Variants in FBXO41 observed in about 807,000 individuals in gnomAD.
FBXO41 encodes F-box only protein 41.
A neutral mutation model predicts 81.6 loss-of-function variants in FBXO41; 33 were observed. That is an observed-to-expected ratio of 0.40 (90% CI 0.31 to 0.54). The LOEUF is 0.54. Ranked by LOEUF, FBXO41 falls within the 20% of genes least tolerant of loss-of-function variation. The pLI is 0.39. For synonymous variants in FBXO41, 576 were observed against 552.7 expected, an observed-to-expected ratio of 1.04 and a Z score of -0.59; for missense variants, 1,107 against 1,236.0, an observed-to-expected ratio of 0.90 and a Z score of 1.56.
At chr2:73,274,635 G>GCTTTAAACAAATAGCC (rs1180308139) in intron 1 of FBXO41, among the ~76,000 whole-genome samples, 1 of 152,022 alleles carries the variant, frequency 6.6e-6, no homozygotes, top group Non-Finnish European at 1.5e-5. Flanking sequence ...AGAATTAAGG[G>GCTTTAAACAAATAGCC]CTTTAAACAA....
At position 73,266,767 on chromosome 2, in the gene FBXO41, G is replaced by C. The variant is rs1189009759; in HGVS notation, c.906-85C>G. The C allele has an allele frequency of 1.4e-6, 2 of 1,449,706 alleles. No homozygotes were observed. The highest frequency in any genetic ancestry group is 2.6e-5 in the East Asian group (1 of 38,950). 89.8% of individuals were successfully genotyped at this position (1,449,706 alleles called of 1,614,324 possible). On this transcript the variant is annotated intron_variant, in intron 2 of 12. Coordinates refer to ENST00000520530, the MANE Select transcript of FBXO41 (RefSeq NM_001371389.2). This position sits in a 1 kb window ranked among gnomAD's most constrained non-coding sequence, Gnocchi z 5.3. ...GAGGAGAGCCTGGCCAGTGCGGGGA[G>C]ACACTGGCACAGCTGCCTGCGGTGT...
rs771627612 is a variant in FBXO41 at position 73,259,071 on chromosome 2, T to G, written c.2566-27A>C. On this transcript the variant is annotated intron_variant, in intron 12 of 12. Coordinates refer to ENST00000520530, the MANE Select transcript of FBXO41 (RefSeq NM_001371389.2). This position sits in a 1 kb window ranked among gnomAD's most constrained non-coding sequence, Gnocchi z 4.2. ...TGCGGACCGAACCCTGGGTTAGTTCTCCCTCCGTGCCAGGCAGGTGGGGCC... is the reference window on the plus strand; with the variant it reads ...TGCGGACCGAACCCTGGGTTAGTTCGCCCTCCGTGCCAGGCAGGTGGGGCC... The G allele has an allele frequency of 6.2e-7, 1 of 1,605,916 alleles. No homozygotes were observed. The highest frequency in any genetic ancestry group is 1.1e-5 in the South Asian group (1 of 90,092).
rs777492772 is a variant in FBXO41, at chr2:73,268,693, C to T, written c.905+33G>A. The stretch of plus-strand genomic sequence containing the variant: ...GGTGGCACAGTGACCCGCACAGGCA[C>T]AACCACTCACAGGGCCCCGAGGGTC... On this transcript the variant is annotated intron_variant, in intron 2 of 12. Coordinates refer to ENST00000520530, the MANE Select transcript of FBXO41 (RefSeq NM_001371389.2). 29 of 1,490,852 alleles carry T rather than the reference C, an allele frequency of 1.9e-5. No homozygotes were observed. In the East Asian group the frequency reaches 6.6e-4, roughly 34 times the overall value. 92.4% of individuals were successfully genotyped at this position (1,490,852 alleles called of 1,614,324 possible). A position where few individuals can be genotyped will look rare whatever the true frequency, so the allele number is the denominator to read the frequency against.
At chr2:73,273,765 G>C (rs1390316905) in intron 1 of FBXO41, among the ~76,000 whole-genome samples, 1 of 152,190 alleles carries the variant, frequency 6.6e-6, no homozygotes, top group East Asian at 1.9e-4. Context: ...GAGAAGGGCT[G>C]CAAATGTTTT....
rs1336957569 is a variant in FBXO41 at position 73,254,765 on chromosome 2, A to C, written c.*4217T>G. The C allele has an allele frequency of 6.6e-6, 1 of 152,640 alleles. No homozygotes were observed. Among genetic ancestry groups the C allele is most frequent in the African/African-American group, 2.4e-5 (1 of 41,438 alleles). The allele number at this position is 152,640 out of a possible 1,614,324, so 9.5% of individuals were successfully genotyped here. On this transcript the variant is annotated 3_prime_UTR_variant, in exon 13 of 13. Transcript: ENST00000520530. ...TGCCCATGTGAGTCCTTTTAAATAC[A>C]TACACTCAGGTACATTCAGCAAAGG...
intron 1 of FBXO41, among the ~76,000 whole-genome samples, chr2:73,277,964 T>C (rs1688743774): frequency 6.6e-6 from 1 of 152,210 alleles, no homozygotes; most frequent in Non-Finnish European, 1.5e-5. Flanking sequence ...TCAATCCTAG[T>C]AGGTGGGCAC....
At chr2:73,267,056 T>G (rs1185062536) in intron 2 of FBXO41, among the ~76,000 whole-genome samples, 1 of 151,816 alleles carries the variant, frequency 6.6e-6, no homozygotes, top group Non-Finnish European at 1.5e-5. Flanking sequence ...ACCAGACACA[T>G]CTCTCTCATA....
chr2:73,260,488 C>G lies in FBXO41; in HGVS notation c.2350G>C (p.Glu784Gln), dbSNP rs1359394893. The G allele has an allele frequency of 6.2e-7, 1 of 1,603,890 alleles. No homozygotes were observed. Among genetic ancestry groups the G allele is most frequent in the Non-Finnish European group, 8.5e-7 (1 of 1,175,410 alleles). ...TCCCGGCAGACCTCTGCTGCCACCTCCTGGGTGATCTCTGACACGTGGTCA... is the reference window on the plus strand; with the variant it reads ...TCCCGGCAGACCTCTGCTGCCACCTGCTGGGTGATCTCTGACACGTGGTCA... ...ELDHVSEITQ[E>Q]VAAEVCREGL... Residue 784 changes from glutamate (E) to glutamine (Q), a missense_variant, in exon 11 of 13, where the codon GAG (glutamate) becomes CAG (glutamine). Glu to Gln is a conservative substitution (Grantham distance 29). Transcript: ENST00000520530. The surrounding 1 kb of genome is among the most constrained non-coding windows in gnomAD (Gnocchi z 5.0).
At chr2:73,281,814 T>TC (rs1688854340) in intron 1 of FBXO41, among the ~76,000 whole-genome samples, 1 of 152,142 alleles carries the variant, frequency 6.6e-6, no homozygotes, top group Non-Finnish European at 1.5e-5. Flanking sequence ...ATCCAGAAAT[T>TC]CTGGGGTGGT....
rs1272435095 is a variant in FBXO41 at position 73,266,052 on chromosome 2, G to C, written c.1132-86C>G. ...GAATAGCAGGGGAAACAGGGCAAAA[G>C]ATGGAGAGGAGATGGGGGAGAGGAG... On this transcript the variant is annotated intron_variant, in intron 3 of 12. Coordinates refer to ENST00000520530, the MANE Select transcript of FBXO41 (RefSeq NM_001371389.2). The surrounding 1 kb of genome is among the most constrained non-coding windows in gnomAD (Gnocchi z 5.3). 4.2e-6 allele frequency: 5 copies of C among 1,196,934 alleles called. No individual in the cohort carries two copies. The East Asian group carries it at 1.3e-4, about 31-fold the overall frequency. 74.1% of individuals were successfully genotyped at this position (1,196,934 alleles called of 1,614,324 possible). A position where few individuals can be genotyped will look rare whatever the true frequency, so the allele number is the denominator to read the frequency against.
Position 73,255,506 on chromosome 2 carries a change from C to T in FBXO41, c.*3476G>A, listed in dbSNP as rs551620787. 3 of 152,798 alleles carry T rather than the reference C, an allele frequency of 2.0e-5. No individual in the cohort carries two copies. The East Asian group carries it at 5.8e-4, about 29-fold the overall frequency. 9.5% of individuals were successfully genotyped at this position (152,798 alleles called of 1,614,324 possible). ...GCCCCCAGGGGAAGGAAGTTACACT[C>T]ATCAGGGACTGACAGGCTGGGACAG... On this transcript the variant is annotated 3_prime_UTR_variant, in exon 13 of 13. Coordinates refer to ENST00000520530, the MANE Select transcript of FBXO41 (RefSeq NM_001371389.2).
At chr2:73,274,401 G>C (rs879448128) in intron 1 of FBXO41, among the ~76,000 whole-genome samples, 1 of 152,096 alleles carries the variant, frequency 6.6e-6, no homozygotes, top group Non-Finnish European at 1.5e-5. Context: ...TATTGATCCT[G>C]TGTCATTTAT....
chr2:73,265,086 C>T (rs1289248525), intron 5 of FBXO41, among the ~76,000 whole-genome samples, 196 bp downstream of exon 5: 3 of 152,204 alleles, frequency 2.0e-5, no homozygotes, highest in Admixed American at 6.5e-5. Context: ...CCAGATGTGG[C>T]ATCCTTGTGC....
intron 1 of FBXO41, among the ~76,000 whole-genome samples, chr2:73,278,795 G>A (rs1464290662): frequency 1.3e-5 from 2 of 152,214 alleles, no homozygotes; most frequent in Non-Finnish European, 2.9e-5. Flanking sequence ...ACATGAAACA[G>A]CATGTATAAG....
chr2:73,274,896 T>C (rs1423404994), intron 1 of FBXO41, among the ~76,000 whole-genome samples: 1 of 151,708 alleles, frequency 6.6e-6, no homozygotes, highest in African/African-American at 2.4e-5. Flanking sequence ...CTTTTTTTTT[T>C]TGGAAACGGA....
chr2:73,267,198 G>A (rs1688306118), intron 2 of FBXO41, among the ~76,000 whole-genome samples: 1 of 152,076 alleles, frequency 6.6e-6, no homozygotes, highest in African/African-American at 2.4e-5. Flanking sequence ...TCATTACACA[G>A]CCCCAGGCAC....
At chr2:73,265,244 C>A (rs1453695646) in intron 5 of FBXO41, 38 bp downstream of exon 5, 1 of 1,543,714 alleles carries the variant, frequency 6.5e-7, no homozygotes, top group Non-Finnish European at 8.7e-7. Flanking sequence ...TTCACTGCCT[C>A]AGACCTGTGT....
chr2:73,272,723 T>G (rs960251285), intron 1 of FBXO41, among the ~76,000 whole-genome samples: 5 of 151,806 alleles, frequency 3.3e-5, no homozygotes, highest in African/African-American at 1.2e-4. Flanking sequence ...TGCTAAGAGA[T>G]AACCCCTCCC....
At chr2:73,275,711 A>G (rs1284595585) in intron 1 of FBXO41, among the ~76,000 whole-genome samples, 1 of 152,172 alleles carries the variant, frequency 6.6e-6, no homozygotes, top group Non-Finnish European at 1.5e-5. Context: ...TGTCCCCACT[A>G]TTGGATAATT....
Sources: gnomAD v4.1 joint callset for allele counts (sites outside exome capture counted in the v4.1 genomes callset) on GRCh38, gnomAD v4.1.1 for gene constraint, Gnocchi (gnomAD v3.1) non-coding constraint, MANE v1.5 for transcripts, NCBI Gene and HGNC (gene_info 2026-07-23, HGNC 2026-07-21) for gene names.